The following SVOPL variants were observed in gnomAD, a reference collection of about 807,000 sequenced individuals.
SVOPL encodes SVOP like.
SVOPL carries 60 observed loss-of-function variants against 61.0 expected under a neutral mutation model. The ratio of observed to expected loss-of-function variants is 0.98; its 90% CI spans 0.80 to 1.22. The LOEUF (loss-of-function observed/expected upper bound fraction) is 1.22, where lower values mean the gene tolerates loss of function less well. Among genes scored for constraint, SVOPL ranks in the 50% most tolerant of loss-of-function variants. SVOPL has a pLI of 0.00. For synonymous variants in SVOPL, 279 were observed against 250.0 expected (o/e 1.12, Z -1.09); for missense variants, 662 against 643.9 (o/e 1.03, Z -0.30).
In SVOPL at chr7:138,701,214, C is replaced by T. The variant is rs982446795; in HGVS notation, c.-71G>A. The T allele has an allele frequency of 1.3e-5, 2 of 152,198 alleles. No homozygotes were observed. Among genetic ancestry groups the T allele is most frequent in the African/African-American group, 4.8e-5 (2 of 41,454 alleles). 9.4% of individuals were successfully genotyped at this position (152,198 alleles called of 1,614,324 possible). A position where few individuals can be genotyped will look rare whatever the true frequency, so the allele number is the denominator to read the frequency against. ...CCTTGGACAGTCTTCCAATTTCAGG[C>T]TCTTTTGCTCCCCTCACCGTGGCCA... On this transcript the variant is annotated 5_prime_UTR_variant, in exon 1 of 16. Transcript: ENST00000674285.
At chr7:138,659,491 CG>C (rs1277297099) in intron 6 of SVOPL, among the ~76,000 whole-genome samples, 2 of 103,966 alleles carry the variant, frequency 1.9e-5, no homozygotes, top group African/African-American at 8.6e-5. Flanking sequence ...GACTCTATCT[CG>C]AAAAAAAAAA....
At chr7:138,617,072 G>A (rs765122522) in intron 14 of SVOPL, among the ~76,000 whole-genome samples, 2 of 152,114 alleles carry the variant, frequency 1.3e-5, no homozygotes, top group Non-Finnish European at 2.9e-5. Flanking sequence ...AGGTTCAAGC[G>A]ATTCTTATGC....
intron 12 of SVOPL, among the ~76,000 whole-genome samples, chr7:138,626,622 G>A (rs1264293971): frequency 1.3e-5 from 2 of 152,002 alleles, no homozygotes; most frequent in Non-Finnish European, 2.9e-5. Context: ...TGAACTCCTG[G>A]GCTCAAATGA....
At chr7:138,621,846 GTATCTATCTATCTATCTATCTATCTATC>G (rs879287399) in intron 13 of SVOPL, among the ~76,000 whole-genome samples, 772 of 59,110 alleles carry the variant, frequency 0.013, 25 homozygotes, top group South Asian at 0.038. Flanking sequence ...ATCTATCTAT[GTATCTATCTATCTATCTATCTATCTATC>G]TATCTATCTA....
At chr7:138,687,194 T>C (rs951672382) in intron 1 of SVOPL, among the ~76,000 whole-genome samples, 1 of 151,772 alleles carries the variant, frequency 6.6e-6, no homozygotes, top group African/African-American at 2.4e-5. Context: ...AAGGGTGTTC[T>C]TTATTTGGAA....
At chr7:138,634,886 C>T (rs1800391917) in intron 9 of SVOPL, among the ~76,000 whole-genome samples, 1 of 152,090 alleles carries the variant, frequency 6.6e-6, no homozygotes, top group African/African-American at 2.4e-5. Context: ...ATTGCTTGAG[C>T]CCAGGAGGTC....
At chr7:138,664,512 G>GGC (rs1478311454) in intron 4 of SVOPL, among the ~76,000 whole-genome samples, 1 of 126,634 alleles carries the variant, frequency 7.9e-6, no homozygotes, top group African/African-American at 3.1e-5. Flanking sequence ...CCCTTTATCG[G>GGC]GCGCGCGCGC....
chr7:138,653,944 A>AAAAG (rs1554469215), intron 7 of SVOPL, among the ~76,000 whole-genome samples: 25 of 50,746 alleles, frequency 4.9e-4, no homozygotes, highest in South Asian at 1.1e-3. Flanking sequence ...AAAAAAAAAA[A>AAAAG]AAAAGAAAAG....
At chr7:138,596,804 T>C in intron 14 of SVOPL, 1 of 1,135,854 alleles carries the variant, frequency 8.8e-7, no homozygotes, top group African/African-American at 1.6e-5. Flanking sequence ...AGCCAAGTTT[T>C]GATATATGGA....
intron 3 of SVOPL, among the ~76,000 whole-genome samples, chr7:138,677,174 G>C (rs1021466328): frequency 1.3e-5 from 2 of 152,114 alleles, no homozygotes. Flanking sequence ...AAAGTGCTGG[G>C]ATTACAGGCG....
intron 8 of SVOPL, among the ~76,000 whole-genome samples, chr7:138,648,580 C>T (rs988539253): frequency 6.7e-6 from 1 of 149,270 alleles, no homozygotes; most frequent in Non-Finnish European, 1.5e-5. Context: ...CGGTGGTGGG[C>T]GCCTGTAGTC....
At chr7:138,653,868 G>A (rs1801558907) in intron 7 of SVOPL, among the ~76,000 whole-genome samples, 1 of 151,320 alleles carries the variant, frequency 6.6e-6, no homozygotes, top group East Asian at 1.9e-4. Context: ...GGGAGGCAGA[G>A]GTTACAGTGA....
intron 14 of SVOPL, among the ~76,000 whole-genome samples, chr7:138,601,560 G>GA (rs996861715): frequency 5.1e-4 from 74 of 145,390 alleles, no homozygotes; most frequent in East Asian, 3.2e-3. Context: ...ATCTAAAAAA[G>GA]AAAAAAAAAA....
chr7:138,631,818 C>T (rs1348592623), intron 9 of SVOPL, among the ~76,000 whole-genome samples: 1 of 152,154 alleles, frequency 6.6e-6, no homozygotes, highest in Non-Finnish European at 1.5e-5. Flanking sequence ...ATCCACCCGC[C>T]TTGGCCTCCC....
At chr7:138,652,194 G>A (rs1801474470) in intron 7 of SVOPL, among the ~76,000 whole-genome samples, 1 of 152,144 alleles carries the variant, frequency 6.6e-6, no homozygotes, top group Non-Finnish European at 1.5e-5. Flanking sequence ...TGGGATTACA[G>A]GTGCCTGGCA....
At chr7:138,597,599 A>G (rs1192400100) in intron 14 of SVOPL, among the ~76,000 whole-genome samples, 1 of 151,728 alleles carries the variant, frequency 6.6e-6, no homozygotes, top group African/African-American at 2.4e-5. Context: ...GTCTCCCAAA[A>G]TAATTACAAT....
At chr7:138,619,645 G>A (rs1799462491) in intron 14 of SVOPL, among the ~76,000 whole-genome samples, 1 of 147,790 alleles carries the variant, frequency 6.8e-6, no homozygotes, top group Admixed American at 6.8e-5. Context: ...ATTCATGATA[G>A]CAAAATCCCT....
Position 138,641,880 on chromosome 7 carries a change from T to G in SVOPL, c.789+2837A>C, listed in dbSNP as rs1037409576. 1.0e-3 allele frequency among the ~76,000 whole-genome samples: 147 copies of G among 143,742 alleles called. 2 individuals are homozygous for G. Among genetic ancestry groups the G allele is most frequent in the Admixed American group, 3.6e-4 (5 of 13,930 alleles). The allele number at this position is 143,742 out of a possible 152,430, so 94.3% of individuals were successfully genotyped here. On this transcript the variant is annotated intron_variant, in intron 9 of 15. Coordinates refer to ENST00000674285, the MANE Select transcript of SVOPL (RefSeq NM_001139456.2). ...TATAGTCAATGAGTGTGTATGTATATATAGTCAATGGGTATATACAGTCAA... is the reference window on the plus strand; with the variant it reads ...TATAGTCAATGAGTGTGTATGTATAGATAGTCAATGGGTATATACAGTCAA...
intron 3 of SVOPL, among the ~76,000 whole-genome samples, chr7:138,673,012 A>C (rs1203836534): frequency 6.6e-6 from 1 of 152,098 alleles, no homozygotes; most frequent in Non-Finnish European, 1.5e-5. Flanking sequence ...GTCAAAGATG[A>C]CTGAGATTTT....
Sources: allele counts gnomAD v4.1 joint callset (sites outside exome capture counted in the v4.1 genomes callset), GRCh38; gene constraint gnomAD v4.1.1; transcripts MANE v1.5; gene names NCBI Gene and HGNC (gene_info 2026-07-23, HGNC 2026-07-21).